The following NALF1 variants were observed in gnomAD, a reference collection of about 807,000 sequenced individuals.
NALF1 encodes NALCN channel auxiliary factor 1, also known as family with sequence similarity 155 member A.
Under a neutral mutation model 48.4 loss-of-function variants are expected in NALF1, and 3 were observed. The observed-to-expected ratio is 0.06, with a 90% CI of 0.03 to 0.16. The LOEUF (loss-of-function observed/expected upper bound fraction) is 0.16. Ranked by LOEUF, NALF1 falls within the 10% of genes least tolerant of loss-of-function variation. The pLI is 1.00. For synonymous variants in NALF1, 262 were observed against 245.7 expected (o/e 1.07, Z -0.62); for missense variants, 526 against 571.5 (o/e 0.92, Z 0.81).
chr13:107,855,562 A>G (rs1355590158), intron 1 of NALF1, among the ~76,000 whole-genome samples: 3 of 152,062 alleles, frequency 2.0e-5, no homozygotes, highest in Non-Finnish European at 2.9e-5. Context: ...CACTTTATCC[A>G]CTCCTGCTGT....
intron 1 of NALF1, among the ~76,000 whole-genome samples, chr13:107,822,312 G>GTT (rs1210733484): frequency 3.3e-5 from 4 of 119,768 alleles, no homozygotes; most frequent in African/African-American, 1.4e-4. Flanking sequence ...TCATGCAAAA[G>GTT]TATTTTTTTT....
At chr13:107,366,310 T>C (rs973892165) in intron 1 of NALF1, among the ~76,000 whole-genome samples, 2 of 152,242 alleles carry the variant, frequency 1.3e-5, no homozygotes, top group African/African-American at 4.8e-5. Context: ...TGATGAAGAA[T>C]GATTTTAAAT....
chr13:107,197,145 C>T (rs1879408143), intron 2 of NALF1, among the ~76,000 whole-genome samples: 1 of 152,150 alleles, frequency 6.6e-6, no homozygotes, highest in Non-Finnish European at 1.5e-5. Context: ...CTCCACCACA[C>T]TACAACACAG....
At chr13:107,291,313 C>T (rs1881616195) in intron 1 of NALF1, among the ~76,000 whole-genome samples, 1 of 151,862 alleles carries the variant, frequency 6.6e-6, no homozygotes, top group South Asian at 2.1e-4. Flanking sequence ...TTGAGCATCC[C>T]TAATCCAAAA....
chr13:107,763,593 C>T (rs1877331166), intron 1 of NALF1, among the ~76,000 whole-genome samples: 4 of 151,738 alleles, frequency 2.6e-5, no homozygotes, highest in Non-Finnish European at 1.5e-5. Flanking sequence ...CCTGCTTTTG[C>T]TTGTCTTATA....
chr13:107,389,135 C>A (rs900173950), intron 1 of NALF1, among the ~76,000 whole-genome samples: 1 of 152,142 alleles, frequency 6.6e-6, no homozygotes, highest in African/African-American at 2.4e-5. Flanking sequence ...AGTGAGAATG[C>A]CACATAATTT....
At chr13:107,234,962 C>T (rs1880310752) in intron 1 of NALF1, among the ~76,000 whole-genome samples, 1 of 152,064 alleles carries the variant, frequency 6.6e-6, no homozygotes, top group African/African-American at 2.4e-5. Flanking sequence ...TCCCATGCCC[C>T]ACCGCCTCTC....
chr13:107,208,645 T>C (rs2138802384), intron 2 of NALF1, among the ~76,000 whole-genome samples: 1 of 152,178 alleles, frequency 6.6e-6, no homozygotes, highest in Non-Finnish European at 1.5e-5. Flanking sequence ...AAACACAACC[T>C]GTACATAAAA....
At chr13:107,277,412 A>G (rs1881302326) in intron 1 of NALF1, among the ~76,000 whole-genome samples, 1 of 152,114 alleles carries the variant, frequency 6.6e-6, no homozygotes, top group Non-Finnish European at 1.5e-5. Context: ...TTCAATTTCT[A>G]CTCTAGGCAA....
chr13:107,288,484 T>G (rs1881547944), intron 1 of NALF1, among the ~76,000 whole-genome samples: 1 of 151,628 alleles, frequency 6.6e-6, no homozygotes, highest in South Asian at 2.1e-4. Context: ...CCTCCCAAAG[T>G]GCTGGGATTA....
chr13:107,737,987 C>A (rs1008057263), intron 1 of NALF1, among the ~76,000 whole-genome samples: 1 of 152,072 alleles, frequency 6.6e-6, no homozygotes, highest in African/African-American at 2.4e-5. Context: ...CATAAAAAAG[C>A]AGCAAAGATG....
Position 107,584,177 on chromosome 13 carries a change from T to C in NALF1, c.915+281505A>G, listed in dbSNP as rs371495204. ...TGAAATATGCATTTTCTGAAATGAA[T>C]GAACATAGGGAAAAGGAAATTGGTC... On this transcript the variant is annotated intron_variant, in intron 1 of 2. Transcript: ENST00000375915. Among the ~76,000 whole-genome samples, 24 of 152,176 alleles carry C rather than the reference T, an allele frequency of 1.6e-4. 1 individual carries two copies. The highest frequency in any genetic ancestry group is 5.8e-4 in the African/African-American group (24 of 41,524).
intron 1 of NALF1, among the ~76,000 whole-genome samples, chr13:107,566,342 C>A (rs540829729): frequency 3.9e-5 from 6 of 152,304 alleles, no homozygotes; most frequent in Admixed American, 2.0e-4. Flanking sequence ...GCTACCATAA[C>A]AGAGAGGTGA....
At position 107,866,647 on chromosome 13, in the gene NALF1, C is replaced by T; in HGVS notation, c.-51G>A. ...GACTCCACCGTGAGGGCGCCTGTGC[C>T]GGTGTCACCACAATATGCATTGACT... On this transcript the variant is annotated 5_prime_UTR_variant, in exon 1 of 3. Coordinates refer to ENST00000375915, the MANE Select transcript of NALF1 (RefSeq NM_001080396.3). The surrounding 1 kb of genome is among the most constrained non-coding windows in gnomAD (Gnocchi z 4.4). The T allele has an allele frequency of 2.0e-6, 3 of 1,486,182 alleles. No homozygotes were observed. Among genetic ancestry groups the T allele is most frequent in the Non-Finnish European group, 2.7e-6 (3 of 1,097,980 alleles). The allele number at this position is 1,486,182 out of a possible 1,614,324, so 92.1% of individuals were successfully genotyped here. A position where few individuals can be genotyped will look rare whatever the true frequency, so the allele number is the denominator to read the frequency against.
At chr13:107,253,906 C>T (rs1217623670) in intron 1 of NALF1, among the ~76,000 whole-genome samples, 2 of 151,976 alleles carry the variant, frequency 1.3e-5, no homozygotes, top group African/African-American at 2.4e-5. Flanking sequence ...TAGATCACTA[C>T]CAGTTGTTGT....
At chr13:107,214,950 C>A (rs1391453413) in intron 1 of NALF1, among the ~76,000 whole-genome samples, 1 of 152,214 alleles carries the variant, frequency 6.6e-6, no homozygotes, top group Admixed American at 6.5e-5. Flanking sequence ...GAATTCAACT[C>A]TCTCCACAGC....
intron 1 of NALF1, among the ~76,000 whole-genome samples, chr13:107,239,538 A>G (rs948430867): frequency 7.2e-5 from 11 of 152,226 alleles, no homozygotes; most frequent in Admixed American, 5.9e-4. Context: ...GGTCACATTC[A>G]CAAGGACCAA....
chr13:107,250,422 T>A (rs9520344), intron 1 of NALF1, among the ~76,000 whole-genome samples: 29,717 of 151,666 alleles, frequency 0.2, 3,562 homozygotes, highest in South Asian at 0.41. Context: ...ATTTTTTTTT[T>A]AAACAAAGGT....
At chr13:107,852,457 C>G (rs1297903521) in intron 1 of NALF1, among the ~76,000 whole-genome samples, 1 of 152,216 alleles carries the variant, frequency 6.6e-6, no homozygotes, top group Admixed American at 6.5e-5. Flanking sequence ...GTACACAACA[C>G]TTGTGTGACA....
Sources: allele counts gnomAD v4.1 joint callset (sites outside exome capture counted in the v4.1 genomes callset), GRCh38; gene constraint gnomAD v4.1.1; non-coding constraint Gnocchi (gnomAD v3.1); transcripts MANE v1.5; gene names NCBI Gene and HGNC (gene_info 2026-07-23, HGNC 2026-07-21).